The following SUSD5 variants were observed in gnomAD, a reference collection of about 807,000 sequenced individuals.
SUSD5 encodes sushi domain containing 5.
A neutral mutation model predicts 29.5 loss-of-function variants in SUSD5; 33 were observed. The observed-to-expected ratio is 1.12, with a 90% CI of 0.85 to 1.49. The LOEUF is 1.49. SUSD5 is among the 40% of genes most tolerant of loss of function. The pLI is 0.00. For synonymous variants in SUSD5, 308 were observed against 325.3 expected, an observed-to-expected ratio of 0.95 and a Z score of 0.57; for missense variants, 776 against 800.6, an observed-to-expected ratio of 0.97 and a Z score of 0.37.
chr3:33,192,713 C>A (rs1292787649), intron 3 of SUSD5, among the ~76,000 whole-genome samples: 1 of 151,730 alleles, frequency 6.6e-6, no homozygotes, highest in Non-Finnish European at 1.5e-5. Context: ...GGAGGCTGAG[C>A]CACGAGAATC....
At chr3:33,161,574 G>A (rs2031188956) in intron 4 of SUSD5, among the ~76,000 whole-genome samples, 1 of 152,012 alleles carries the variant, frequency 6.6e-6, no homozygotes, top group Admixed American at 6.6e-5. Flanking sequence ...AAAGACAAAA[G>A]GTGTCAGCTT....
chr3:33,159,880 CAGA>C (rs2125614966), intron 4 of SUSD5, among the ~76,000 whole-genome samples: 1 of 152,220 alleles, frequency 6.6e-6, no homozygotes, highest in South Asian at 2.1e-4. Context: ...AGAGGAGAAA[CAGA>C]GGGTTCTAAA....
At chr3:33,211,020 C>T (rs57267857) in intron 2 of SUSD5, among the ~76,000 whole-genome samples, 5,910 of 152,140 alleles carry the variant, frequency 0.039, 328 homozygotes, top group African/African-American at 0.13. Flanking sequence ...ACTACAGGCA[C>T]ACACCACCAT....
At chr3:33,185,800 C>T (rs1178652820) in intron 3 of SUSD5, among the ~76,000 whole-genome samples, 4 of 152,148 alleles carry the variant, frequency 2.6e-5, no homozygotes, top group Non-Finnish European at 5.9e-5. Context: ...ATTATTTAAT[C>T]ATTAGACAGA....
chr3:33,210,745 T>C (rs1055576153), intron 2 of SUSD5, among the ~76,000 whole-genome samples: 2 of 151,896 alleles, frequency 1.3e-5, no homozygotes, highest in Non-Finnish European at 2.9e-5. Context: ...AAAAATAAAA[T>C]GAAAGGACAT....
At chr3:33,171,129 G>C (rs1159966564) in intron 4 of SUSD5, among the ~76,000 whole-genome samples, 1 of 152,158 alleles carries the variant, frequency 6.6e-6, no homozygotes, top group Non-Finnish European at 1.5e-5. Context: ...ACTGCCTGGA[G>C]TCCTGCTCAG....
At chr3:33,207,717 A>G in intron 3 of SUSD5, 91 bp downstream of exon 3, 1 of 756,346 alleles carries the variant, frequency 1.3e-6, no homozygotes, top group South Asian at 1.9e-5. Flanking sequence ...GTAAATCCTC[A>G]CTTCAAGGTT....
rs564000809 is a variant in SUSD5 at position 33,165,298 on chromosome 3, T to C, written c.598+9588A>G. Among the ~76,000 whole-genome samples, 4 of 152,216 alleles carry C rather than the reference T, an allele frequency of 2.6e-5. No homozygotes were observed. The East Asian group carries it at 7.7e-4, about 29-fold the overall frequency. ...AATGTATGCTTCCACTTAAATAAAA[T>C]TCAAGTGAGGTGGGCGAATGTAATT... On this transcript the variant is annotated intron_variant, in intron 4 of 4. Transcript: ENST00000309558.
In SUSD5 at chr3:33,184,235, C is replaced by T. The variant is rs184237028; in HGVS notation, c.410-9161G>A. 2.0e-3 allele frequency among the ~76,000 whole-genome samples: 306 copies of T among 152,164 alleles called. 4 individuals are homozygous for T. Among genetic ancestry groups the T allele is most frequent in the Non-Finnish European group, 8.7e-4 (59 of 67,990 alleles). ...GATTTAAGGCATAAGCCACCACACC[C>T]GGCCTTACACTGTCTTCTTTCTTGC... On this transcript the variant is annotated intron_variant, in intron 3 of 4. Transcript: ENST00000309558.
intron 2 of SUSD5, among the ~76,000 whole-genome samples, chr3:33,213,202 T>C (rs1174266933): frequency 1.3e-5 from 2 of 151,868 alleles, no homozygotes; most frequent in African/African-American, 4.8e-5. Context: ...GAGGTCAGAG[T>C]TCGAGACCAG....
chr3:33,154,454 C>T (rs530003376), intron 4 of SUSD5, among the ~76,000 whole-genome samples: 29 of 152,208 alleles, frequency 1.9e-4, no homozygotes, highest in African/African-American at 6.3e-4. Flanking sequence ...ACCCGGAAGG[C>T]GGACGTTGCA....
rs1438236782 is a variant in SUSD5, at chr3:33,218,690, C to A, written c.108G>T (p.Ala36=). 6.9e-6 allele frequency: 9 copies of A among 1,306,570 alleles called. No homozygotes were observed. Among genetic ancestry groups the A allele is most frequent in the Non-Finnish European group, 8.8e-6 (9 of 1,027,658 alleles). 80.9% of individuals were successfully genotyped at this position (1,306,570 alleles called of 1,614,324 possible). The change falls in exon 1 of 5, where the codon GCG becomes GCT. Residue 36 remains alanine, a synonymous_variant. Coordinates refer to ENST00000309558, the MANE Select transcript of SUSD5 (RefSeq NM_015551.2). ...LLGLPRLSVR[A]DGKFFVLESQ... ...CGCCGCCTCCCGCACACTCACCATC[C>A]GCCCGCACCGAAAGGCGCGGCAGAC...
At chr3:33,193,605 A>G (rs1461575529) in intron 3 of SUSD5, among the ~76,000 whole-genome samples, 1 of 152,046 alleles carries the variant, frequency 6.6e-6, no homozygotes, top group Non-Finnish European at 1.5e-5. Context: ...AAATGATTTG[A>G]GATTACCAGG....
Position 33,207,071 on chromosome 3 carries a change from A to C in SUSD5, c.409+737T>G, listed in dbSNP as rs2032236525. 1.3e-5 allele frequency among the ~76,000 whole-genome samples: 2 copies of C among 152,214 alleles called. 1 individual carries two copies. The highest frequency in any genetic ancestry group is 4.1e-4 in the South Asian group (2 of 4,824). On this transcript the variant is annotated intron_variant, in intron 3 of 4. Transcript: ENST00000309558. Reference sequence around the variant, plus strand: ...TAACAGAGGTGTACTTATTTGGTGCATACAAAATGCTGCCCTTGAGGCTTC... The same window carrying C: ...TAACAGAGGTGTACTTATTTGGTGCCTACAAAATGCTGCCCTTGAGGCTTC...
intron 3 of SUSD5, among the ~76,000 whole-genome samples, chr3:33,199,738 T>C (rs2032073760): frequency 2.0e-5 from 3 of 152,216 alleles, no homozygotes; most frequent in South Asian, 4.1e-4. Flanking sequence ...AGTGTGATGC[T>C]ATTTGGAAGT....
rs1460375164 is a variant in SUSD5, at chr3:33,207,856, T to A, written c.361A>T (p.Asn121Tyr). ...CTGTATGTGCCACCAGGAACTGGGT[T>A]GCTCTCAATTCTCACATCGACAGCT... ...MRAVDVRIESNPVPGGTYSAL... is the reference protein window; with the variant it reads ...MRAVDVRIESYPVPGGTYSAL... The change falls in exon 3 of 5, where the codon AAC becomes TAC. Residue 121 changes from asparagine (N) to tyrosine (Y), a missense_variant. Asn to Tyr is a moderately radical substitution (Grantham distance 143). Coordinates refer to ENST00000309558, the MANE Select transcript of SUSD5 (RefSeq NM_015551.2). 5 of 1,613,888 alleles carry A rather than the reference T, an allele frequency of 3.1e-6. No individual in the cohort carries two copies. Among genetic ancestry groups the A allele is most frequent in the Non-Finnish European group, 4.2e-6 (5 of 1,179,882 alleles).
At chr3:33,193,888 C>CA (rs1419293020) in intron 3 of SUSD5, among the ~76,000 whole-genome samples, 1 of 152,148 alleles carries the variant, frequency 6.6e-6, no homozygotes, top group African/African-American at 2.4e-5. Context: ...CAAACCCCCC[C>CA]ACCACTTGCC....
intron 3 of SUSD5, among the ~76,000 whole-genome samples, chr3:33,180,267 G>A (rs1447696908): frequency 1.3e-5 from 2 of 152,194 alleles, no homozygotes; most frequent in African/African-American, 2.4e-5. Flanking sequence ...AGACGTGAAG[G>A]TGTCAAACAG....
rs1378463475 is a variant in SUSD5, at chr3:33,150,068, A to C, written c.*2674T>G. 6.6e-6 allele frequency: 1 copy of C among 152,144 alleles called. No individual in the cohort carries two copies. The highest frequency in any genetic ancestry group is 1.5e-5 in the Non-Finnish European group (1 of 68,030). 9.4% of individuals were successfully genotyped at this position (152,144 alleles called of 1,614,324 possible). ...TTGGGGCAATAATTATTTATTTTAA[A>C]TATCTCAGAAGCTTTGTGTTAATAG... On this transcript the variant is annotated 3_prime_UTR_variant, in exon 5 of 5. Transcript: ENST00000309558.
Sources: allele counts gnomAD v4.1 joint callset (sites outside exome capture counted in the v4.1 genomes callset), GRCh38; gene constraint gnomAD v4.1.1; transcripts MANE v1.5; gene names NCBI Gene and HGNC (gene_info 2026-07-23, HGNC 2026-07-21).